Variants in SREBF1 observed in about 807,000 individuals in gnomAD.
SREBF1 encodes sterol regulatory element-binding protein 1.
In SREBF1, 45 loss-of-function variants were observed where a neutral mutation model predicts 100.1. That is an observed-to-expected ratio of 0.45 (90% CI 0.35 to 0.58). SREBF1 has a LOEUF of 0.58. Among genes scored for constraint, SREBF1 ranks in the 20% least tolerant of loss-of-function variants. The pLI, the probability that SREBF1 is intolerant of heterozygous loss-of-function variation, is 0.00. For missense variants in SREBF1, 1,324 were observed against 1,539.4 expected (o/e 0.86, Z 2.34); for synonymous variants, 657 against 681.8 (o/e 0.96, Z 0.57).
Position 17,812,174 on chromosome 17 carries a change from G to C in SREBF1, c.*448C>G. 3 of 429,218 alleles carry C rather than the reference G, an allele frequency of 7.0e-6. No homozygotes were observed. Among genetic ancestry groups the C allele is most frequent in the South Asian group, 1.8e-5 (1 of 56,940 alleles). 26.6% of individuals were successfully genotyped at this position (429,218 alleles called of 1,614,324 possible). A position where few individuals can be genotyped will look rare whatever the true frequency, so the allele number is the denominator to read the frequency against. Reference sequence around the variant, plus strand: ...AAGTAGCACAGGAGCCTCAGGTCAGGAGGCTAAGCACGCTGACCTACACTA... The same window carrying C: ...AAGTAGCACAGGAGCCTCAGGTCAGCAGGCTAAGCACGCTGACCTACACTA... On this transcript the variant is annotated 3_prime_UTR_variant, in exon 19 of 19. Coordinates refer to ENST00000261646, the MANE Select transcript of SREBF1 (RefSeq NM_004176.5).
In SREBF1 at chr17:17,820,071, C is replaced by T. The variant is rs200023224; in HGVS notation, c.523+19G>A. ...AAGCCCCACCCCGGGTGTCCCCTCC[C>T]GCCACACATCCCCCTTACCTGTAGA... On this transcript the variant is annotated intron_variant, in intron 2 of 18. Coordinates refer to ENST00000261646, the MANE Select transcript of SREBF1 (RefSeq NM_004176.5). 1.9e-5 allele frequency: 30 copies of T among 1,603,466 alleles called. No homozygotes were observed. Among genetic ancestry groups the T allele is most frequent in the East Asian group, 2.2e-5 (1 of 44,676 alleles).
At chr17:17,818,935 C>T (rs2033864742) in intron 5 of SREBF1, 78 bp downstream of exon 5, 1 of 1,511,316 alleles carries the variant, frequency 6.6e-7, no homozygotes, top group Non-Finnish European at 9.1e-7. Context: ...GTCTCACTCC[C>T]TCTCTTCCTT....
At position 17,820,192 on chromosome 17, in the gene SREBF1, G is replaced by T. The variant is rs45489896; in HGVS notation, c.421C>A (p.Pro141Thr). 1 of 1,613,114 alleles carries T rather than the reference G, an allele frequency of 6.2e-7. No individual in the cohort carries two copies. Among genetic ancestry groups the T allele is most frequent in the Non-Finnish European group, 8.5e-7 (1 of 1,179,712 alleles). Residue 141 changes from proline (P) to threonine (T), a missense_variant, in exon 2 of 19, where the codon CCA (proline) becomes ACA (threonine). By Grantham distance (38) the Pro-to-Thr change is conservative. Coordinates refer to ENST00000261646, the MANE Select transcript of SREBF1 (RefSeq NM_004176.5). ...AAGCTCTGTGGCAGGAGGGCCCCTG[G>T]CAGGGGCTGTGGGGTGGGGGTCTGC... ...ILQTPTPQPLPGALLPQSFPA... is the reference protein window; with the variant it reads ...ILQTPTPQPLTGALLPQSFPA...
In SREBF1 at chr17:17,816,047, G is replaced by A; in HGVS notation, c.2215-19C>T. The A allele has an allele frequency of 6.2e-7, 1 of 1,609,416 alleles. No individual in the cohort carries two copies. The highest frequency in any genetic ancestry group is 8.5e-7 in the Non-Finnish European group (1 of 1,178,088). ...AGAAGCGCTGTAGGGGAGGGTACTG[G>A]GCTGTCACAGTGGACACAGCCTGGG... On this transcript the variant is annotated intron_variant, in intron 11 of 18. Coordinates refer to ENST00000261646, the MANE Select transcript of SREBF1 (RefSeq NM_004176.5).
chr17:17,823,892 T>C (rs1399475607), intron 1 of SREBF1, among the ~76,000 whole-genome samples: 2 of 151,978 alleles, frequency 1.3e-5, no homozygotes, highest in Non-Finnish European at 2.9e-5. Flanking sequence ...CTAGCGGACG[T>C]CCGCCTTTAA....
intron 4 of SREBF1, 37 bp downstream of exon 4, chr17:17,819,281 GTA>G (rs1491344563): frequency 6.2e-7 from 1 of 1,612,100 alleles, no homozygotes; most frequent in South Asian, 1.1e-5. Context: ...GTGTGTGTGT[GTA>G]GACCCCACTC....
chr17:17,832,788 C>A (rs1353374685), intron 1 of SREBF1, among the ~76,000 whole-genome samples: 1 of 151,982 alleles, frequency 6.6e-6, no homozygotes, highest in Non-Finnish European at 1.5e-5. Context: ...GGCATGGTGG[C>A]ACGCACCTAT....
chr17:17,829,204 AAAT>A (rs1197182676), intron 1 of SREBF1, among the ~76,000 whole-genome samples: 2,199 of 39,636 alleles, frequency 0.055, 47 homozygotes, highest in East Asian at 0.15. Context: ...AAAAAAAAAA[AAAT>A]ATATATATAT....
chr17:17,823,438 G>C (rs898636536), intron 1 of SREBF1: 5 of 984,070 alleles, frequency 5.1e-6, no homozygotes, highest in Non-Finnish European at 8.1e-6. Flanking sequence ...TGCGTAGCCC[G>C]CATGCCCGCC....
At chr17:17,823,017 C>T (rs2034209385) in intron 1 of SREBF1, among the ~76,000 whole-genome samples, 2 of 152,234 alleles carry the variant, frequency 1.3e-5, no homozygotes, top group East Asian at 1.9e-4. Context: ...GGTTTCCCAT[C>T]CCTTTACCCC....
At chr17:17,816,801 C>T (rs2033639587) in intron 9 of SREBF1, 83 bp from the exon 10 acceptor site, 3 of 1,573,456 alleles carry the variant, frequency 1.9e-6, no homozygotes, top group Admixed American at 3.7e-5. Context: ...ACAGCAGGCT[C>T]TGGAGGGGTG....
intron 5 of SREBF1, chr17:17,818,584 A>G: frequency 1.7e-6 from 1 of 605,114 alleles, no homozygotes; most frequent in South Asian, 1.8e-5. Context: ...AGATGCAGAC[A>G]GCAGGGTCTG....
At chr17:17,832,581 C>T (rs1215438889) in intron 1 of SREBF1, among the ~76,000 whole-genome samples, 2 of 152,222 alleles carry the variant, frequency 1.3e-5, no homozygotes, top group African/African-American at 2.4e-5. Context: ...CAGCAATTCC[C>T]CTCCCAGAAC....
intron 12 of SREBF1, chr17:17,815,587 T>C (rs1219704304): frequency 1.7e-6 from 1 of 595,476 alleles, no homozygotes. Flanking sequence ...AAGATGCCAT[T>C]GTTGGCTCCG....
intron 1 of SREBF1, among the ~76,000 whole-genome samples, chr17:17,836,167 C>T (rs1445759576): frequency 6.6e-6 from 1 of 152,278 alleles, no homozygotes; most frequent in Non-Finnish European, 1.5e-5. Flanking sequence ...AAGACGGGGC[C>T]TGGCATTCGG....
chr17:17,814,367 G>C lies in SREBF1; in HGVS notation c.2779C>G (p.Arg927Gly), dbSNP rs779739510. 1 of 1,567,710 alleles carries C rather than the reference G, an allele frequency of 6.4e-7. No individual in the cohort carries two copies. The highest frequency in any genetic ancestry group is 1.2e-5 in the South Asian group (1 of 85,604). The change falls in exon 16 of 19, where the codon CGG becomes GGG. Residue 927 changes from arginine (R) to glycine (G), a missense_variant. Transcript: ENST00000261646. ...RAALHSFKAA[R>G]ALLGCAKAES... is the part of the protein sequence containing the mutation. Reference sequence around the variant, plus strand: ...GCCTTGGCACAGCCCAGCAGGGCCCGGGCAGCCTTGAAGGAGTGCAGAGCT... The same window carrying C: ...GCCTTGGCACAGCCCAGCAGGGCCCCGGCAGCCTTGAAGGAGTGCAGAGCT...
intron 1 of SREBF1, among the ~76,000 whole-genome samples, chr17:17,836,016 T>C (rs752814465): frequency 1.4e-4 from 22 of 152,246 alleles, no homozygotes; most frequent in Non-Finnish European, 1.5e-4. Context: ...CTGACCGCTC[T>C]ACCCAAAGTA....
intron 16 of SREBF1, 109 bp downstream of exon 16, chr17:17,814,136 C>A (rs1312212685): frequency 7.7e-7 from 1 of 1,299,744 alleles, no homozygotes; most frequent in African/African-American, 1.5e-5. Context: ...TCCTGTGCTG[C>A]TTGGGCTAAC....
rs2143015506 is a variant in SREBF1, at chr17:17,819,350, A to G, written c.816T>C (p.Ser272=). The change falls in exon 4 of 19, where the codon TCT becomes TCC. Residue 272 remains serine (S), a synonymous_variant. Transcript: ENST00000261646. ...VKAAGLSPLV[S]GTTVQTGPLP... is the part of the protein sequence containing the mutation. Reference sequence around the variant, plus strand: ...AAGGCCCTGTCTGCACAGTGGTGCCAGAGACCAGGGGACTGAGACCTGCCG... The same window carrying G: ...AAGGCCCTGTCTGCACAGTGGTGCCGGAGACCAGGGGACTGAGACCTGCCG... 6.2e-7 allele frequency: 1 copy of G among 1,613,852 alleles called. No homozygotes were observed. The highest frequency in any genetic ancestry group is 2.2e-5 in the East Asian group (1 of 44,888).
Sources: allele counts gnomAD v4.1 joint callset (sites outside exome capture counted in the v4.1 genomes callset), GRCh38; gene constraint gnomAD v4.1.1; transcripts MANE v1.5; gene names NCBI Gene and HGNC (gene_info 2026-07-23, HGNC 2026-07-21).